LSAMP: variants seen among roughly 807,000 people sequenced by gnomAD.
LSAMP encodes limbic system associated membrane protein.
LSAMP carries 7 observed loss-of-function variants against 38.6 expected under a neutral mutation model. The ratio of observed to expected loss-of-function variants is 0.18; its 90% confidence interval spans 0.10 to 0.34. LSAMP has a LOEUF of 0.34. Among genes scored for constraint, LSAMP ranks in the 10% least tolerant of loss-of-function variants. LSAMP has a pLI of 1.00. For missense variants in LSAMP, 313 were observed against 420.0 expected (o/e 0.75, Z 2.23); for synonymous variants, 154 against 166.8 (o/e 0.92, Z 0.59).
intron 1 of LSAMP, among the ~76,000 whole-genome samples, chr3:116,197,699 C>T (rs1249553994): frequency 6.6e-6 from 1 of 152,046 alleles, no homozygotes; most frequent in Non-Finnish European, 1.5e-5. Flanking sequence ...TCTGGTTCTG[C>T]GGAAGAACAC....
chr3:116,158,357 C>T (rs1709805580), intron 1 of LSAMP, among the ~76,000 whole-genome samples: 1 of 152,112 alleles, frequency 6.6e-6, no homozygotes, highest in Non-Finnish European at 1.5e-5. Context: ...CTCTCAGAGC[C>T]ATCAGGCAAG....
intron 1 of LSAMP, among the ~76,000 whole-genome samples, chr3:116,124,659 A>G (rs918188551): frequency 6.6e-6 from 1 of 152,178 alleles, no homozygotes; most frequent in Admixed American, 6.5e-5. Context: ...AAAATGCAAA[A>G]ATATGGAGAA....
At chr3:116,198,215 A>C (rs1418490484) in intron 1 of LSAMP, among the ~76,000 whole-genome samples, 1 of 152,214 alleles carries the variant, frequency 6.6e-6, no homozygotes, top group Non-Finnish European at 1.5e-5. Flanking sequence ...AGAAATGGTG[A>C]AGACCACAGT....
At chr3:116,248,533 G>A (rs914372372) in intron 1 of LSAMP, among the ~76,000 whole-genome samples, 3 of 137,614 alleles carry the variant, frequency 2.2e-5, no homozygotes, top group Non-Finnish European at 3.2e-5. Flanking sequence ...GTGTGTGTGT[G>A]TATCAGACTA....
intron 1 of LSAMP, among the ~76,000 whole-genome samples, chr3:116,230,870 G>A (rs762538540): frequency 6.6e-6 from 1 of 152,132 alleles, no homozygotes; most frequent in Non-Finnish European, 1.5e-5. Flanking sequence ...TCAGTTAAAC[G>A]AAATGGAAAG....
At chr3:116,025,333 C>T (rs1940759638) in intron 2 of LSAMP, among the ~76,000 whole-genome samples, 1 of 152,050 alleles carries the variant, frequency 6.6e-6, no homozygotes, top group Admixed American at 6.6e-5. Flanking sequence ...ATGAGAGCTA[C>T]TTATATTGTA....
intron 3 of LSAMP, among the ~76,000 whole-genome samples, chr3:115,910,445 C>T (rs377084795): frequency 1.1e-3 from 165 of 152,220 alleles, no homozygotes; most frequent in African/African-American, 3.9e-3. Context: ...ACTCTACCCC[C>T]ATTTGATTTT....
intron 1 of LSAMP, among the ~76,000 whole-genome samples, chr3:116,289,120 A>T (rs1248580183): frequency 6.6e-6 from 1 of 152,176 alleles, no homozygotes; most frequent in Non-Finnish European, 1.5e-5. Context: ...AATCAGTAGC[A>T]TCTATAGCAA....
At chr3:116,140,531 A>G (rs1709347063) in intron 1 of LSAMP, among the ~76,000 whole-genome samples, 1 of 152,042 alleles carries the variant, frequency 6.6e-6, no homozygotes. Flanking sequence ...TCATCTTAGA[A>G]AAATAAAGTG....
chr3:115,997,376 T>C (rs1474625216), intron 3 of LSAMP, among the ~76,000 whole-genome samples: 1 of 151,776 alleles, frequency 6.6e-6, no homozygotes, highest in African/African-American at 2.4e-5. Flanking sequence ...ATCTCACAAA[T>C]AATAAACTTT....
At chr3:116,111,405 C>T (rs947318229) in intron 1 of LSAMP, among the ~76,000 whole-genome samples, 1 of 152,186 alleles carries the variant, frequency 6.6e-6, no homozygotes, top group Admixed American at 6.5e-5. Context: ...TTTCCAGATA[C>T]TTCTGAGCTC....
chr3:115,996,632 G>A (rs983290747), intron 3 of LSAMP, among the ~76,000 whole-genome samples: 3 of 151,882 alleles, frequency 2.0e-5, no homozygotes, highest in Non-Finnish European at 4.4e-5. Flanking sequence ...CACAGACACT[G>A]GTATGGATGT....
chr3:116,323,283 T>C (rs1170797475), intron 1 of LSAMP, among the ~76,000 whole-genome samples: 1 of 152,166 alleles, frequency 6.6e-6, no homozygotes, highest in Non-Finnish European at 1.5e-5. Flanking sequence ...TTATTTCCCC[T>C]TACTTTTGCA....
At chr3:116,238,194 A>G (rs1196195940) in intron 1 of LSAMP, among the ~76,000 whole-genome samples, 1 of 152,192 alleles carries the variant, frequency 6.6e-6, no homozygotes, top group Non-Finnish European at 1.5e-5. Context: ...CGTATTTATC[A>G]CCAGGCCTTC....
chr3:116,309,701 A>G (rs2047530786), intron 1 of LSAMP, among the ~76,000 whole-genome samples: 1 of 152,136 alleles, frequency 6.6e-6, no homozygotes, highest in Non-Finnish European at 1.5e-5. Context: ...GCCATGGCCA[A>G]TGTCTTTTCT....
intron 1 of LSAMP, among the ~76,000 whole-genome samples, chr3:116,130,907 C>G (rs964593476): frequency 1.3e-5 from 2 of 151,756 alleles, no homozygotes; most frequent in African/African-American, 4.8e-5. Context: ...CTGGGCCTTG[C>G]TCTAATGAGT....
intron 4 of LSAMP, among the ~76,000 whole-genome samples, chr3:115,847,711 G>A (rs1935205537): frequency 1.3e-5 from 2 of 152,200 alleles, no homozygotes; most frequent in Admixed American, 1.3e-4. Flanking sequence ...GCCGCCTTGT[G>A]AAGAATGTGC....
intron 1 of LSAMP, among the ~76,000 whole-genome samples, chr3:116,168,994 A>G (rs148621106): frequency 4.6e-5 from 7 of 152,244 alleles, no homozygotes; most frequent in Non-Finnish European, 1.0e-4. Context: ...TGAGGCCAGA[A>G]TTTTCAGATC....
At chr3:116,014,086 T>C (rs1940407607) in intron 3 of LSAMP, among the ~76,000 whole-genome samples, 1 of 152,188 alleles carries the variant, frequency 6.6e-6, no homozygotes, top group Non-Finnish European at 1.5e-5. Flanking sequence ...ATGTCCTGAC[T>C]TATGGTGGAT....
Sources: gnomAD v4.1 joint callset for allele counts (sites outside exome capture counted in the v4.1 genomes callset) on GRCh38, gnomAD v4.1.1 for gene constraint, MANE v1.5 for transcripts, NCBI Gene and HGNC (gene_info 2026-07-23, HGNC 2026-07-21) for gene names.